The following TADA2A variants were observed in gnomAD, a reference collection of about 807,000 sequenced individuals.
The protein encoded by TADA2A is transcriptional adaptor 2A, also known as transcriptional adapter 2-alpha.
In TADA2A, 38 loss-of-function variants were observed where a neutral mutation model predicts 67.4. The observed-to-expected ratio is 0.56, with a 90% CI of 0.44 to 0.74. TADA2A has a LOEUF of 0.74. Ranked by LOEUF, TADA2A falls within the 30% of genes least tolerant of loss-of-function variation. TADA2A has a pLI of 0.00. For missense variants in TADA2A, 454 were observed against 547.0 expected (o/e 0.83, Z 1.70); for synonymous variants, 192 against 181.6 (o/e 1.06, Z -0.46).
intron 9 of TADA2A, among the ~76,000 whole-genome samples, chr17:37,458,903 C>T (rs2053474808): frequency 6.6e-6 from 1 of 152,042 alleles, no homozygotes; most frequent in South Asian, 2.1e-4. Context: ...GTCTCAAACT[C>T]CTGGACTTAA....
intron 1 of TADA2A, among the ~76,000 whole-genome samples, chr17:37,409,252 A>G (rs549206664): frequency 6.8e-4 from 103 of 151,806 alleles, no homozygotes; most frequent in Non-Finnish European, 1.3e-3. Flanking sequence ...CGCCAAGCAA[A>G]TTTTTTTGTA....
chr17:37,465,060 A>G (rs1364908881), intron 10 of TADA2A, among the ~76,000 whole-genome samples: 1 of 149,266 alleles, frequency 6.7e-6, no homozygotes, highest in African/African-American at 2.5e-5. Context: ...AGGTAGGAGA[A>G]TTGCTTGAAT....
intron 12 of TADA2A, among the ~76,000 whole-genome samples, chr17:37,469,267 C>T (rs935064031): frequency 6.6e-6 from 1 of 151,860 alleles, no homozygotes; most frequent in Non-Finnish European, 1.5e-5. Flanking sequence ...GTAAGTTCAG[C>T]CTAGTATAAT....
At chr17:37,412,675 A>G (rs946114385) in intron 2 of TADA2A, among the ~76,000 whole-genome samples, 2 of 151,610 alleles carry the variant, frequency 1.3e-5, no homozygotes, top group African/African-American at 4.8e-5. Context: ...TCCCAGCTAC[A>G]CGGGAGCTGA....
rs756195842 is a variant in TADA2A at position 37,419,385 on chromosome 17, G to T, written c.26-4124G>T. Reference sequence around the variant, plus strand: ...GACATGGTTTCACCATGTTCCCCAGGCTGGTCTCGAACTCCTGAGCTCAAG... The same window carrying T: ...GACATGGTTTCACCATGTTCCCCAGTCTGGTCTCGAACTCCTGAGCTCAAG... On this transcript the variant is annotated intron_variant, in intron 2 of 15. Transcript: ENST00000615182. 5.5e-5 allele frequency among the ~76,000 whole-genome samples: 8 copies of T among 145,112 alleles called. 2 individuals are homozygous for T. Among genetic ancestry groups the T allele is most frequent in the Non-Finnish European group, 1.2e-4 (8 of 65,216 alleles).
chr17:37,446,102 G>T (rs577052986), intron 8 of TADA2A, among the ~76,000 whole-genome samples: 9 of 119,542 alleles, frequency 7.5e-5, no homozygotes, highest in South Asian at 2.6e-4. Flanking sequence ...TTTTTGGGGG[G>T]GTTTTTTTTT....
intron 15 of TADA2A, among the ~76,000 whole-genome samples, chr17:37,476,437 C>A (rs1369258588): frequency 6.6e-6 from 1 of 152,184 alleles, no homozygotes; most frequent in African/African-American, 2.4e-5. Flanking sequence ...CATGGCTCTT[C>A]CCTGACCATT....
chr17:37,471,914 C>CT (rs2053795455), intron 14 of TADA2A, among the ~76,000 whole-genome samples: 1 of 152,136 alleles, frequency 6.6e-6, no homozygotes, highest in Non-Finnish European at 1.5e-5. Flanking sequence ...CGTTTTACCT[C>CT]TTTGAGTATG....
rs528209432 is a variant in TADA2A at position 37,435,283 on chromosome 17, C to CTGTT, written c.193-2437_193-2434dup. Among the ~76,000 whole-genome samples the CTGTT allele has an allele frequency of 2.3e-3, 350 of 152,122 alleles. 1 individual carries two copies. Among genetic ancestry groups the CTGTT allele is most frequent in the African/African-American group, 6.5e-3 (270 of 41,530 alleles). Reference sequence around the variant, plus strand: ...TACAAGAGTTTTGTTTGTTTGTTTTCTGTTTGTTTGTTTGTTTGTTTTTGA... The same window carrying CTGTT: ...TACAAGAGTTTTGTTTGTTTGTTTTCTGTTTGTTTGTTTGTTTGTTTGTTTTTGA... On this transcript the variant is annotated intron_variant, in intron 4 of 15. Transcript: ENST00000615182.
intron 9 of TADA2A, among the ~76,000 whole-genome samples, chr17:37,460,993 G>T (rs922853602): frequency 6.6e-6 from 1 of 151,958 alleles, no homozygotes; most frequent in Non-Finnish European, 1.5e-5. Flanking sequence ...AAAAAAAAGG[G>T]ACTTGAGATT....
intron 6 of TADA2A, 119 bp from the exon 7 acceptor site, chr17:37,442,444 CT>C: frequency 2.6e-6 from 2 of 764,994 alleles, no homozygotes; most frequent in Non-Finnish European, 4.0e-6. Flanking sequence ...AATACTTTAT[CT>C]TTTTCACATT....
intron 8 of TADA2A, among the ~76,000 whole-genome samples, chr17:37,447,907 C>T (rs1185174959): frequency 1.3e-5 from 2 of 152,178 alleles, no homozygotes; most frequent in East Asian, 3.8e-4. Context: ...GACACTGATT[C>T]AGCCTCTGGC....
intron 2 of TADA2A, among the ~76,000 whole-genome samples, chr17:37,413,596 G>A (rs1215066302): frequency 6.6e-6 from 1 of 151,620 alleles, no homozygotes; most frequent in Non-Finnish European, 1.5e-5. Flanking sequence ...ACCCAGGCTG[G>A]ACTGCAGTGA....
intron 3 of TADA2A, among the ~76,000 whole-genome samples, chr17:37,425,564 C>T (rs2052380200): frequency 6.6e-6 from 1 of 152,146 alleles, no homozygotes. Context: ...TAAGAAGCAC[C>T]TCAATTTCAG....
At chr17:37,442,803 G>T in intron 7 of TADA2A, 151 bp downstream of exon 7, 1 of 614,976 alleles carries the variant, frequency 1.6e-6, no homozygotes, top group Admixed American at 3.4e-5. Context: ...CATTTTCTTA[G>T]GTTTGAGTGC....
rs148341876 is a variant in TADA2A at position 37,443,341 on chromosome 17, C to T, written c.531+689C>T. Among the ~76,000 whole-genome samples the T allele has an allele frequency of 8.3e-3, 1,264 of 151,982 alleles. 23 individuals carry two copies. The highest frequency in any genetic ancestry group is 0.028 in the African/African-American group (1,145 of 41,418). Reference sequence around the variant, plus strand: ...TGGTCTTGGCCCATTGCAACCTCCACTTCCTGGGTTCAAGCGATTCTCCTG... The same window carrying T: ...TGGTCTTGGCCCATTGCAACCTCCATTTCCTGGGTTCAAGCGATTCTCCTG... On this transcript the variant is annotated intron_variant, in intron 7 of 15. Transcript: ENST00000615182.
chr17:37,410,978 A>G (rs2147893710), intron 1 of TADA2A, among the ~76,000 whole-genome samples: 1 of 152,356 alleles, frequency 6.6e-6, no homozygotes, highest in Admixed American at 6.5e-5. Context: ...CCATAGACCC[A>G]GATCCTTCCT....
intron 8 of TADA2A, among the ~76,000 whole-genome samples, chr17:37,452,691 A>G (rs1405694889): frequency 6.6e-6 from 1 of 152,150 alleles, no homozygotes; most frequent in Non-Finnish European, 1.5e-5. Context: ...AGTGACAGGT[A>G]TAGGCATTCT....
At chr17:37,429,002 T>G (rs1302730214) in intron 4 of TADA2A, among the ~76,000 whole-genome samples, 11 of 144,574 alleles carry the variant, frequency 7.6e-5, no homozygotes, top group Non-Finnish European at 1.5e-4. Flanking sequence ...GCCAAGATTG[T>G]GCCACTGCAC....
Sources: allele counts gnomAD v4.1 joint callset (sites outside exome capture counted in the v4.1 genomes callset), GRCh38; gene constraint gnomAD v4.1.1; transcripts MANE v1.5; gene names NCBI Gene and HGNC (gene_info 2026-07-23, HGNC 2026-07-21).